SAMD5: variants seen among roughly 807,000 people sequenced by gnomAD.
The protein encoded by SAMD5 is sterile alpha motif domain containing 5, also known as sterile alpha motif domain-containing protein 5.
Under a neutral mutation model 11.3 loss-of-function variants are expected in SAMD5, and 13 were observed. That is an observed-to-expected ratio of 1.15 (90% confidence interval 0.75 to 1.83). The LOEUF is 1.83. Among genes scored for constraint, SAMD5 ranks in the 40% most tolerant of loss-of-function variants. The pLI is 0.00. For synonymous variants in SAMD5, 129 were observed against 111.3 expected, an observed-to-expected ratio of 1.16 and a Z score of -1.00; for missense variants, 255 against 239.1, an observed-to-expected ratio of 1.07 and a Z score of -0.44.
chr6:147,800,045 G>A, the SAMD5 span, among the ~76,000 whole-genome samples: 237 of 152,116 alleles, frequency 1.6e-3, 1 homozygote, highest in African/African-American at 6.5e-4. Context: ...TAATTTGATC[G>A]TCTGAAGCCT....
At chr6:147,527,108 G>A (rs1487484006) in intron 1 of SAMD5, among the ~76,000 whole-genome samples, 3 of 152,188 alleles carry the variant, frequency 2.0e-5, no homozygotes, top group African/African-American at 7.2e-5. Flanking sequence ...CATTGCTTCA[G>A]TGATAATCAG....
chr6:147,777,659 C>T, the SAMD5 span, among the ~76,000 whole-genome samples: 1 of 152,160 alleles, frequency 6.6e-6, no homozygotes, highest in Non-Finnish European at 1.5e-5. Flanking sequence ...GAAACTGTAA[C>T]CTTTAAGTAA....
the SAMD5 span, among the ~76,000 whole-genome samples, chr6:147,861,612 A>T: frequency 6.6e-6 from 1 of 152,152 alleles, no homozygotes; most frequent in Non-Finnish European, 1.5e-5. Flanking sequence ...TTTGAACCTG[A>T]TGCTCAGGGC....
chr6:147,853,548 C>T, the SAMD5 span, among the ~76,000 whole-genome samples: 1 of 151,872 alleles, frequency 6.6e-6, no homozygotes, highest in African/African-American at 2.4e-5. Flanking sequence ...ATAGAAGTAG[C>T]AAAGATCCAA....
the SAMD5 span, among the ~76,000 whole-genome samples, chr6:147,848,510 A>G: frequency 6.6e-6 from 1 of 152,202 alleles, no homozygotes; most frequent in Non-Finnish European, 1.5e-5. Context: ...CTTGTTTTCA[A>G]TATCCTCAAT....
chr6:147,856,819 CGCGGGG>C, the SAMD5 span, among the ~76,000 whole-genome samples: 16,514 of 128,574 alleles, frequency 0.13, 1,379 homozygotes, highest in East Asian at 0.36. Context: ...TTTCTGGGGG[CGCGGGG>C]GGGGGGGGAA....
At chr6:147,666,506 G>A (rs948768669) in intron 1 of SAMD5, among the ~76,000 whole-genome samples, 1 of 152,136 alleles carries the variant, frequency 6.6e-6, no homozygotes, top group Non-Finnish European at 1.5e-5. Context: ...CTGTCAGAGA[G>A]CTTGCTTTCC....
intron 1 of SAMD5, among the ~76,000 whole-genome samples, chr6:147,599,299 G>C (rs1275053566): frequency 6.6e-6 from 1 of 152,150 alleles, no homozygotes; most frequent in African/African-American, 2.4e-5. Flanking sequence ...AGGGCTAAGA[G>C]CTTTGTATTT....
At chr6:147,949,854 C>G in the SAMD5 span, among the ~76,000 whole-genome samples, 1 of 152,178 alleles carries the variant, frequency 6.6e-6, no homozygotes, top group Non-Finnish European at 1.5e-5. Flanking sequence ...TTTTGTTATA[C>G]TGCATTTCTT....
chr6:147,627,194 G>A (rs1369174526), intron 1 of SAMD5, among the ~76,000 whole-genome samples: 3 of 152,188 alleles, frequency 2.0e-5, no homozygotes, highest in East Asian at 3.9e-4. Context: ...AGCAGAGGAA[G>A]CACTTTTTTT....
At chr6:147,852,783 A>G in the SAMD5 span, among the ~76,000 whole-genome samples, 1 of 152,214 alleles carries the variant, frequency 6.6e-6, no homozygotes, top group Non-Finnish European at 1.5e-5. Context: ...ATAGCAAAGA[A>G]CTACCCTTTT....
At chr6:147,540,930 C>T (rs377711530) in intron 1 of SAMD5, among the ~76,000 whole-genome samples, 19 of 133,690 alleles carry the variant, frequency 1.4e-4, no homozygotes, top group Middle Eastern at 3.8e-3. Context: ...GTTCAAGCCA[C>T]GCGTTTTTTT....
chr6:147,709,487 G>A (rs1338712599), intron 1 of SAMD5, among the ~76,000 whole-genome samples: 1 of 152,124 alleles, frequency 6.6e-6, no homozygotes, highest in African/African-American at 2.4e-5. Context: ...GGCTAATCAG[G>A]GTTTTGTTTT....
At chr6:147,734,979 C>G (rs1053398175) in intron 1 of SAMD5, among the ~76,000 whole-genome samples, 10 of 152,066 alleles carry the variant, frequency 6.6e-5, no homozygotes, top group Non-Finnish European at 1.2e-4. Flanking sequence ...TATCTTCTCA[C>G]TAAACCACGT....
At chr6:147,931,065 A>C in the SAMD5 span, among the ~76,000 whole-genome samples, 1 of 152,190 alleles carries the variant, frequency 6.6e-6, no homozygotes, top group Non-Finnish European at 1.5e-5. Flanking sequence ...AGTTTTCTTA[A>C]AGAATCTCTG....
chr6:147,840,906 G>T, the SAMD5 span, among the ~76,000 whole-genome samples: 1 of 152,328 alleles, frequency 6.6e-6, no homozygotes, highest in African/African-American at 2.4e-5. Flanking sequence ...ATTGACCAGG[G>T]ATTCGAGCAT....
chr6:147,649,717 G>C (rs1790455520), intron 1 of SAMD5, among the ~76,000 whole-genome samples: 1 of 151,844 alleles, frequency 6.6e-6, no homozygotes, highest in East Asian at 1.9e-4. Flanking sequence ...CCTGAACCCA[G>C]GAGGCAGAGT....
chr6:147,713,508 G>A (rs1195736325), intron 1 of SAMD5, among the ~76,000 whole-genome samples: 4 of 152,208 alleles, frequency 2.6e-5, no homozygotes, highest in South Asian at 4.2e-4. Flanking sequence ...GCAAGCAAGC[G>A]GCAGCAGAGC....
rs974687371 is a variant in SAMD5 at position 147,582,500 on chromosome 6, G to A, written c.162+73113G>A. Among the ~76,000 whole-genome samples the A allele has an allele frequency of 3.9e-5, 6 of 152,208 alleles. 1 individual carries two copies. The highest frequency in any genetic ancestry group is 1.2e-4 in the African/African-American group (5 of 41,448). ...ACTTTTATGTTTGAATGGGGCTAAT[G>A]TAAACGTTCTCATAAAAAGCATCCC... is the stretch of plus-strand genomic sequence containing the variant. On this transcript the variant is annotated intron_variant, in intron 1 of 1. Transcript: ENST00000566741.
Sources: allele counts gnomAD v4.1 joint callset (sites outside exome capture counted in the v4.1 genomes callset), GRCh38; gene constraint gnomAD v4.1.1; transcripts MANE v1.5; gene names NCBI Gene and HGNC (gene_info 2026-07-23, HGNC 2026-07-21).